CPA5: variants seen among roughly 807,000 people sequenced by gnomAD.
CPA5 encodes testicular tissue protein Li 32.
Under a neutral mutation model 52.2 loss-of-function variants are expected in CPA5, and 38 were observed. That is an observed-to-expected ratio of 0.73 (90% CI 0.56 to 0.95). The LOEUF (loss-of-function observed/expected upper bound fraction) is 0.95, where lower values mean the gene tolerates loss of function less well. Among genes scored for constraint, CPA5 ranks in the 40% least tolerant of loss-of-function variants. The probability of loss-of-function intolerance (pLI) is 0.00; values close to 1 mark genes in which losing one functional copy is unlikely to be tolerated. For missense variants in CPA5, 519 were observed against 566.7 expected (o/e 0.92, Z 0.86); for synonymous variants, 198 against 213.7 (o/e 0.93, Z 0.64).
intron 6 of CPA5, among the ~76,000 whole-genome samples, chr7:130,360,583 AT>A (rs1795740186): frequency 1.3e-5 from 2 of 152,280 alleles, no homozygotes; most frequent in Admixed American, 1.3e-4. Flanking sequence ...TTCACAAGTC[AT>A]GCAATAGAGC....
chr7:130,360,808 T>G (rs964666286), intron 6 of CPA5, among the ~76,000 whole-genome samples: 1 of 152,248 alleles, frequency 6.6e-6, no homozygotes, highest in Non-Finnish European at 1.5e-5. Flanking sequence ...GGCCAAAGAA[T>G]GGAGACAAGA....
chr7:130,371,765 C>G (rs560099686), downstream of CPA5, among the ~76,000 whole-genome samples: 162 of 152,264 alleles, frequency 1.1e-3, no homozygotes, highest in African/African-American at 3.8e-3. Flanking sequence ...CCATGTTGGT[C>G]AGGCTGGTTT....
chr7:130,350,336 C>T (rs781885916), intron 5 of CPA5, among the ~76,000 whole-genome samples: 5 of 152,244 alleles, frequency 3.3e-5, no homozygotes, highest in East Asian at 3.9e-4. Flanking sequence ...GGAGAGGACG[C>T]CTGTGATGAG....
At chr7:130,362,570 C>T in intron 8 of CPA5, 31 bp downstream of exon 8, 6 of 1,505,494 alleles carry the variant, frequency 4.0e-6, no homozygotes, top group Non-Finnish European at 4.6e-6. Flanking sequence ...AAGGTGCACC[C>T]ACGATGGGGG....
chr7:130,348,989 C>T (rs565361526), intron 4 of CPA5, among the ~76,000 whole-genome samples: 31 of 152,268 alleles, frequency 2.0e-4, no homozygotes, highest in African/African-American at 5.5e-4. Flanking sequence ...GTCATCAGAC[C>T]GACTGTCGCG....
At chr7:130,352,508 G>T (rs989343913) in intron 5 of CPA5, among the ~76,000 whole-genome samples, 5 of 152,094 alleles carry the variant, frequency 3.3e-5, no homozygotes, top group African/African-American at 9.6e-5. Context: ...AGCAGGTGAG[G>T]GGGGGCTGGC....
At chr7:130,362,677 C>T (rs1795857462) in intron 8 of CPA5, 138 bp downstream of exon 8, 6 of 673,574 alleles carry the variant, frequency 8.9e-6, no homozygotes, top group South Asian at 1.8e-5. Flanking sequence ...GAGCAGCCAC[C>T]GTGCACTCTT....
intron 7 of CPA5, 83 bp from the exon 8 acceptor site, chr7:130,362,355 C>T: frequency 2.1e-6 from 2 of 973,444 alleles, no homozygotes; most frequent in South Asian, 2.9e-5. Flanking sequence ...CTGAGGATGC[C>T]TCAGGGACCT....
intron 4 of CPA5, among the ~76,000 whole-genome samples, chr7:130,348,830 T>G (rs1554403058): frequency 1.3e-5 from 2 of 152,192 alleles, no homozygotes; most frequent in African/African-American, 4.8e-5. Flanking sequence ...CCCTCCTGAT[T>G]GGCAGTCAAC....
intron 5 of CPA5, among the ~76,000 whole-genome samples, chr7:130,353,631 A>G (rs891519589): frequency 6.6e-6 from 1 of 151,176 alleles, no homozygotes; most frequent in Admixed American, 6.6e-5. Flanking sequence ...CCTTCCTCAA[A>G]CTCCCCATCA....
chr7:130,368,570 G>GTGC lies in CPA5; in HGVS notation c.1284_1285insTGC (p.Met428_Glu429insCys). 6.2e-7 allele frequency: 1 copy of GTGC among 1,613,926 alleles called. No individual in the cohort carries two copies. The highest frequency in any genetic ancestry group is 8.5e-7 in the Non-Finnish European group (1 of 1,179,962). On this transcript the variant is annotated inframe_insertion, in exon 13 of 13. Coordinates refer to ENST00000474905, the MANE Select transcript of CPA5 (RefSeq NM_080385.5). ...CGTGGATGGCGCTTCGGACCATCATGGAGCACACCCTGAATCACCCCTACT... is the reference window on the plus strand; with the variant it reads ...CGTGGATGGCGCTTCGGACCATCATGTGCGAGCACACCCTGAATCACCCCTACT...
At chr7:130,355,807 G>A (rs944710114) in intron 5 of CPA5, among the ~76,000 whole-genome samples, 1 of 152,224 alleles carries the variant, frequency 6.6e-6, no homozygotes, top group African/African-American at 2.4e-5. Flanking sequence ...GTAATTTGAT[G>A]GAGTTGGTGG....
downstream of CPA5, among the ~76,000 whole-genome samples, chr7:130,372,912 A>C (rs1279314081): frequency 6.6e-6 from 1 of 152,134 alleles, no homozygotes; most frequent in Non-Finnish European, 1.5e-5. Flanking sequence ...AATTATCCAG[A>C]TGTTTTAGCC....
At chr7:130,364,807 C>A (rs1795985388) in intron 10 of CPA5, among the ~76,000 whole-genome samples, 1 of 152,224 alleles carries the variant, frequency 6.6e-6, no homozygotes, top group African/African-American at 2.4e-5. Flanking sequence ...CCTAACCATG[C>A]AAGGGGCACA....
intron 4 of CPA5, among the ~76,000 whole-genome samples, chr7:130,348,262 C>T (rs1236691172): frequency 1.3e-5 from 2 of 152,192 alleles, no homozygotes; most frequent in African/African-American, 4.8e-5. Flanking sequence ...TATCTGGGTT[C>T]GTCCCCGTCA....
chr7:130,367,871 C>A (rs782550662), intron 11 of CPA5, 35 bp from the exon 12 acceptor site: 3 of 1,582,730 alleles, frequency 1.9e-6, no homozygotes, highest in Non-Finnish European at 2.6e-6. Context: ...CCCCGGGGAG[C>A]CCCTGCCTTT....
chr7:130,353,203 G>A (rs538575105), intron 5 of CPA5, among the ~76,000 whole-genome samples: 6 of 141,260 alleles, frequency 4.2e-5, no homozygotes, highest in African/African-American at 1.3e-4. Flanking sequence ...TGAAACTCCT[G>A]AAAATACTGA....
Position 130,368,401 on chromosome 7 carries a change from T to C in CPA5, c.1124-9T>C. ...TTTGTGGGGCACATTTTGGAACTTT[T>C]GTTTCTAGATGTGGCCAGTGGGATC... On this transcript the variant is annotated splice_polypyrimidine_tract_variant and intron_variant, in intron 12 of 12. Coordinates refer to ENST00000474905, the MANE Select transcript of CPA5 (RefSeq NM_080385.5). The C allele has an allele frequency of 6.2e-7, 1 of 1,612,966 alleles. No homozygotes were observed. Among genetic ancestry groups the C allele is most frequent in the Non-Finnish European group, 8.5e-7 (1 of 1,179,306 alleles).
chr7:130,361,017 C>T, intron 6 of CPA5, 126 bp from the exon 7 acceptor site: 3 of 641,572 alleles, frequency 4.7e-6, no homozygotes, highest in Non-Finnish European at 8.4e-6. Flanking sequence ...CTTTTAGACC[C>T]TCGAGGGTCT....
Sources: allele counts gnomAD v4.1 joint callset (sites outside exome capture counted in the v4.1 genomes callset), GRCh38; gene constraint gnomAD v4.1.1; transcripts MANE v1.5; gene names NCBI Gene and HGNC (gene_info 2026-07-23, HGNC 2026-07-21).